Variants in BICD1 observed in about 807,000 individuals in gnomAD.
The protein encoded by BICD1 is protein bicaudal D homolog 1.
In BICD1, 35 loss-of-function variants were observed where a neutral mutation model predicts 92.5. The observed-to-expected ratio is 0.38, with a 90% CI of 0.29 to 0.50. The LOEUF (loss-of-function observed/expected upper bound fraction) is 0.50, where lower values mean the gene tolerates loss of function less well. Among genes scored for constraint, BICD1 ranks in the 20% least tolerant of loss-of-function variants. The probability of loss-of-function intolerance (pLI) is 0.93; values close to 1 mark genes in which losing one functional copy is unlikely to be tolerated. For missense variants in BICD1, 950 were observed against 1,189.8 expected, an observed-to-expected ratio of 0.80 and a Z score of 2.97; for synonymous variants, 429 against 465.1, an observed-to-expected ratio of 0.92 and a Z score of 1.00.
At chr12:32,307,767 AGATT>A (rs766396531) in intron 4 of BICD1, among the ~76,000 whole-genome samples, 1 of 152,238 alleles carries the variant, frequency 6.6e-6, no homozygotes, top group Non-Finnish European at 1.5e-5. Flanking sequence ...TAATATGACT[AGATT>A]GATTGAAACA....
intron 3 of BICD1, among the ~76,000 whole-genome samples, chr12:32,304,611 C>A (rs913230654): frequency 3.9e-5 from 6 of 152,128 alleles, no homozygotes; most frequent in African/African-American, 1.4e-4. Flanking sequence ...GGAAAGGATC[C>A]CAAGGAGGCA....
At chr12:32,258,175 C>T (rs75902828) in intron 2 of BICD1, among the ~76,000 whole-genome samples, 2 of 152,132 alleles carry the variant, frequency 1.3e-5, no homozygotes, top group Non-Finnish European at 2.9e-5. Context: ...CACAGCTTCA[C>T]CAACATTTGG....
At chr12:32,296,441 T>C (rs1216515995) in intron 3 of BICD1, among the ~76,000 whole-genome samples, 1 of 151,444 alleles carries the variant, frequency 6.6e-6, no homozygotes, top group African/African-American at 2.4e-5. Context: ...ATATTTTTAG[T>C]AGAGATGGGG....
At position 32,306,059 on chromosome 12, in the gene BICD1, C is replaced by T; in HGVS notation, c.942C>T (p.Val314=). Residue 314 remains valine (V), a synonymous_variant, in exon 4 of 10, where the codon GTC becomes GTT. Coordinates refer to ENST00000652176, the MANE Select transcript of BICD1 (RefSeq NM_001714.4). ...GGAAAGGAGAGTCTCTGAACCCTGT[C>T]TCTGACTTATTCAGTGAGCTGAACA... ...TLRKGESLNP[V]SDLFSELNIS... The T allele has an allele frequency of 6.2e-7, 1 of 1,613,898 alleles. No individual in the cohort carries two copies. Among genetic ancestry groups the T allele is most frequent in the Non-Finnish European group, 8.5e-7 (1 of 1,179,956 alleles).
At chr12:32,247,426 G>A (rs1349104864) in intron 2 of BICD1, among the ~76,000 whole-genome samples, 1 of 152,078 alleles carries the variant, frequency 6.6e-6, no homozygotes, top group East Asian at 1.9e-4. Flanking sequence ...TACATCTGAA[G>A]ATCCAGCCTC....
Position 32,158,939 on chromosome 12 carries a change from A to G in BICD1, c.213+51395A>G, listed in dbSNP as rs561396973. On this transcript the variant is annotated intron_variant, in intron 1 of 9. Transcript: ENST00000652176. ...TTGTATGGTTATTTGTACGCCATCA[A>G]ACTTTTTTTTTTGAGATGGAGTCTC... is the stretch of plus-strand genomic sequence containing the variant. Among the ~76,000 whole-genome samples, 16 of 152,168 alleles carry G rather than the reference A, an allele frequency of 1.1e-4. No individual in the cohort carries two copies. In the East Asian group the frequency reaches 2.9e-3, roughly 28 times the overall value.
At chr12:32,371,179 C>T (rs1395243681) in intron 9 of BICD1, among the ~76,000 whole-genome samples, 1 of 152,196 alleles carries the variant, frequency 6.6e-6, no homozygotes, top group East Asian at 1.9e-4. Context: ...GAATTACAAA[C>T]ATTTCCAGCT....
chr12:32,305,576 A>G (rs1948189383), intron 3 of BICD1, 121 bp from the exon 4 acceptor site: 1 of 828,948 alleles, frequency 1.2e-6, no homozygotes, highest in East Asian at 2.7e-5. Context: ...GCTTTTTATT[A>G]TTTATTTTTT....
chr12:32,375,217 G>A (rs1939901923), intron 9 of BICD1, among the ~76,000 whole-genome samples: 1 of 151,760 alleles, frequency 6.6e-6, no homozygotes, highest in African/African-American at 2.4e-5. Flanking sequence ...GCGCCACCGC[G>A]CCCAGGCTTA....
intron 9 of BICD1, among the ~76,000 whole-genome samples, chr12:32,372,659 G>C (rs946568509): frequency 2.6e-5 from 4 of 152,116 alleles, no homozygotes; most frequent in Non-Finnish European, 5.9e-5. Flanking sequence ...TGGGAAGATT[G>C]CTTGAGCCCA....
chr12:32,326,434 C>T (rs534230758), intron 4 of BICD1, among the ~76,000 whole-genome samples: 1 of 152,208 alleles, frequency 6.6e-6, no homozygotes, highest in Admixed American at 6.5e-5. Flanking sequence ...ATATGGACAC[C>T]TGAGTGTTTT....
chr12:32,229,708 T>A (rs1403240671), intron 2 of BICD1, among the ~76,000 whole-genome samples: 2 of 152,186 alleles, frequency 1.3e-5, no homozygotes, highest in East Asian at 1.9e-4. Flanking sequence ...GCGTTTTTCA[T>A]GGAGTCTGTT....
chr12:32,354,901 C>T (rs1939040763), intron 8 of BICD1, among the ~76,000 whole-genome samples: 1 of 152,058 alleles, frequency 6.6e-6, no homozygotes, highest in African/African-American at 2.4e-5. Flanking sequence ...ATTCTCTACT[C>T]TATATGTGTG....
chr12:32,297,622 C>T (rs971082218), intron 3 of BICD1, among the ~76,000 whole-genome samples: 13 of 152,162 alleles, frequency 8.5e-5, no homozygotes, highest in African/African-American at 2.4e-4. Flanking sequence ...GTTCCCAATA[C>T]GTTGTATAGT....
chr12:32,243,924 G>A (rs1230639243), intron 2 of BICD1, among the ~76,000 whole-genome samples: 1 of 152,030 alleles, frequency 6.6e-6, no homozygotes, highest in Admixed American at 6.6e-5. Context: ...CCCCTAAATG[G>A]CTAAATGTCC....
chr12:32,111,849 A>G (rs1467543095), intron 1 of BICD1, among the ~76,000 whole-genome samples: 1 of 152,052 alleles, frequency 6.6e-6, no homozygotes, highest in Admixed American at 6.6e-5. Flanking sequence ...AAGAAAAAAT[A>G]TTTACATTTA....
In BICD1 at chr12:32,306,062, T is replaced by C. The variant is rs36092808; in HGVS notation, c.945T>C (p.Ser315=). 0.026 allele frequency: 42,121 copies of C among 1,613,676 alleles called. 632 individuals are homozygous for C. Among genetic ancestry groups the C allele is most frequent in the Non-Finnish European group, 0.031 (36,645 of 1,179,878 alleles). ...LRKGESLNPV[S]DLFSELNISE... ...AAGGAGAGTCTCTGAACCCTGTCTCTGACTTATTCAGTGAGCTGAACATTT... is the reference window on the plus strand; with the variant it reads ...AAGGAGAGTCTCTGAACCCTGTCTCCGACTTATTCAGTGAGCTGAACATTT... The change falls in exon 4 of 10, where the codon TCT becomes TCC. Residue 315 remains serine (S), a synonymous_variant. Transcript: ENST00000652176.
chr12:32,254,144 C>CTTCCAGAGTAGG, intron 2 of BICD1, among the ~76,000 whole-genome samples: 3 of 149,978 alleles, frequency 2.0e-5, no homozygotes, highest in African/African-American at 7.4e-5. Flanking sequence ...CCGTATCCCA[C>CTTCCAGAGTAGG]CTGCCATAAT....
At chr12:32,193,878 C>G (rs1297622319) in intron 1 of BICD1, among the ~76,000 whole-genome samples, 2 of 152,136 alleles carry the variant, frequency 1.3e-5, no homozygotes, top group African/African-American at 2.4e-5. Context: ...ACCCTCATAC[C>G]AAAGCCAGAT....
Sources: gnomAD v4.1 joint callset for allele counts (sites outside exome capture counted in the v4.1 genomes callset) on GRCh38, gnomAD v4.1.1 for gene constraint, MANE v1.5 for transcripts, NCBI Gene and HGNC (gene_info 2026-07-23, HGNC 2026-07-21) for gene names.